Variants in CACNA1G observed in about 807,000 individuals in gnomAD.
CACNA1G encodes the protein calcium voltage-gated channel subunit alpha1 G.
A neutral mutation model predicts 219.4 loss-of-function variants in CACNA1G; 67 were observed. The ratio of observed to expected loss-of-function variants is 0.31; its 90% CI spans 0.25 to 0.37. The LOEUF is 0.37. Ranked by LOEUF, CACNA1G falls within the 10% of genes least tolerant of loss-of-function variation. The pLI, the probability that CACNA1G is intolerant of heterozygous loss-of-function variation, is 1.00. For synonymous variants in CACNA1G, 1,296 were observed against 1,345.3 expected, an observed-to-expected ratio of 0.96 and a Z score of 0.80; for missense variants, 2,380 against 3,231.4, an observed-to-expected ratio of 0.74 and a Z score of 6.39.
chr17:50,581,889 C>G (rs77585231), intron 9 of CACNA1G, among the ~76,000 whole-genome samples: 10,142 of 152,332 alleles, frequency 0.067, 456 homozygotes, highest in Non-Finnish European at 0.099. Context: ...CAGTGATTTG[C>G]TGGTAAATGA....
intron 9 of CACNA1G, among the ~76,000 whole-genome samples, chr17:50,589,707 G>A (rs2043783272): frequency 6.6e-6 from 1 of 152,162 alleles, no homozygotes; most frequent in East Asian, 1.9e-4. Context: ...TTCACATTTG[G>A]CCAGAGAGGT....
chr17:50,592,099 C>T lies in CACNA1G; in HGVS notation c.2910+7C>T. On this transcript the variant is annotated splice_region_variant and intron_variant, in intron 13 of 37. Transcript: ENST00000359106. ...GGAGGGCTTCCAGGCGGAGGTAACCCACTGCTCTGCCCACCTCACCCTGCC... is the reference window on the plus strand; with the variant it reads ...GGAGGGCTTCCAGGCGGAGGTAACCTACTGCTCTGCCCACCTCACCCTGCC... The T allele has an allele frequency of 6.2e-7, 1 of 1,608,290 alleles. No homozygotes were observed. Among genetic ancestry groups the T allele is most frequent in the Non-Finnish European group, 8.5e-7 (1 of 1,176,942 alleles).
rs778221667 is a variant in CACNA1G, at chr17:50,626,198, C to T, written c.6581C>T (p.Pro2194Leu). Residue 2194 changes from proline to leucine, a missense_variant, in exon 38 of 38, where the codon CCA (proline) becomes CTA (leucine). This residue lies in a region of CACNA1G where 672 missense variants were observed against 670.5 expected (regional missense o/e 1.00). Transcript: ENST00000359106. This position sits in a 1 kb window ranked among gnomAD's most constrained non-coding sequence, Gnocchi z 4.3. Reference protein sequence around the residue: ...HSKISKHMTPPAPCPGPEPNW... With the variant: ...HSKISKHMTPLAPCPGPEPNW... ...AAGATCTCCAAGCACATGACCCCGC[C>T]AGCCCCTTGCCCAGGCCCAGAACCC... 9.9e-6 allele frequency: 16 copies of T among 1,613,814 alleles called. No individual in the cohort carries two copies. The South Asian group carries it at 1.6e-4, about 17-fold the overall frequency.
At chr17:50,606,309 GA>G (rs2047954709) in intron 23 of CACNA1G, 1 of 676,360 alleles carries the variant, frequency 1.5e-6, no homozygotes, top group South Asian at 1.6e-5. Flanking sequence ...GGTGGAGCAG[GA>G]AGCACACGTG....
rs1030756666 is a variant in CACNA1G at position 50,583,586 on chromosome 17, A to G, written c.2301+5022A>G. 4.0e-5 allele frequency among the ~76,000 whole-genome samples: 6 copies of G among 149,974 alleles called. No homozygotes were observed. The Admixed American group carries it at 4.0e-4, about 10-fold the overall frequency. On this transcript the variant is annotated intron_variant, in intron 9 of 37. Coordinates refer to ENST00000359106, the MANE Select transcript of CACNA1G (RefSeq NM_018896.5). ...CTGCTCATCCCCAGCTCTCCTTCGGAAGGGCTTCACGAAGGTGGTGGCTTT... is the reference window on the plus strand; with the variant it reads ...CTGCTCATCCCCAGCTCTCCTTCGGGAGGGCTTCACGAAGGTGGTGGCTTT...
intron 1 of CACNA1G, among the ~76,000 whole-genome samples, chr17:50,565,149 A>G (rs1478494218): frequency 2.6e-5 from 4 of 152,228 alleles, no homozygotes; most frequent in East Asian, 1.9e-4. Context: ...ACACGCGCAC[A>G]CACACACACA....
Position 50,617,641 on chromosome 17 carries a change from T to C in CACNA1G, c.5155+70T>C. 1.3e-6 allele frequency: 2 copies of C among 1,569,748 alleles called. No individual in the cohort carries two copies. The highest frequency in any genetic ancestry group is 2.3e-5 in the South Asian group (2 of 86,218). Reference sequence around the variant, plus strand: ...CAGGGAGAGAGAGCAAGGGTCGGCTTTGTGGCTGGTCAAGGCCTGGGCGGC... The same window carrying C: ...CAGGGAGAGAGAGCAAGGGTCGGCTCTGTGGCTGGTCAAGGCCTGGGCGGC... On this transcript the variant is annotated intron_variant, in intron 29 of 37. Transcript: ENST00000359106. This position sits in a 1 kb window ranked among gnomAD's most constrained non-coding sequence, Gnocchi z 5.8.
intron 8 of CACNA1G, among the ~76,000 whole-genome samples, 164 bp downstream of exon 8, chr17:50,576,490 G>A (rs1042443994): frequency 1.4e-4 from 22 of 152,218 alleles, no homozygotes; most frequent in African/African-American, 3.1e-4. Context: ...CTATGAGCTC[G>A]AATTTTCTCA....
rs769265010 is a variant in CACNA1G, at chr17:50,578,179, C to T, written c.1925-9C>T. 5 of 1,556,488 alleles carry T rather than the reference C, an allele frequency of 3.2e-6. No individual in the cohort carries two copies. The highest frequency in any genetic ancestry group is 4.3e-6 in the Non-Finnish European group (5 of 1,151,046). ...TCTGGAGCCTCTCACCTCTACTCTCCTGTTCCAGGTGCCTGCCAAAGCTCT... is the reference window on the plus strand; with the variant it reads ...TCTGGAGCCTCTCACCTCTACTCTCTTGTTCCAGGTGCCTGCCAAAGCTCT... On this transcript the variant is annotated splice_polypyrimidine_tract_variant and intron_variant, in intron 8 of 37. Coordinates refer to ENST00000359106, the MANE Select transcript of CACNA1G (RefSeq NM_018896.5). The surrounding 1 kb of genome is among the most constrained non-coding windows in gnomAD (Gnocchi z 4.5).
chr17:50,597,234 G>A (rs2045755397), intron 16 of CACNA1G, among the ~76,000 whole-genome samples: 1 of 152,150 alleles, frequency 6.6e-6, no homozygotes, highest in Non-Finnish European at 1.5e-5. Context: ...ACCTCCTCAA[G>A]ACTGAATAAT....
In CACNA1G at chr17:50,571,054, A is replaced by G. The variant is rs1461561945; in HGVS notation, c.587-824A>G. Reference sequence around the variant, plus strand: ...AGACCATTTGGGCCGGTTGGGTTCTAGACCTGGAGTACGGAGAGAGGGAAG... The same window carrying G: ...AGACCATTTGGGCCGGTTGGGTTCTGGACCTGGAGTACGGAGAGAGGGAAG... On this transcript the variant is annotated intron_variant, in intron 4 of 37. Coordinates refer to ENST00000359106, the MANE Select transcript of CACNA1G (RefSeq NM_018896.5). This position sits in a 1 kb window ranked among gnomAD's most constrained non-coding sequence, Gnocchi z 4.3. Among the ~76,000 whole-genome samples the G allele has an allele frequency of 6.6e-6, 1 of 152,202 alleles. No homozygotes were observed. The highest frequency in any genetic ancestry group is 1.5e-5 in the Non-Finnish European group (1 of 68,032).
At chr17:50,595,466 T>C (rs2045339253) in intron 14 of CACNA1G, among the ~76,000 whole-genome samples, 1 of 152,126 alleles carries the variant, frequency 6.6e-6, no homozygotes, top group African/African-American at 2.4e-5. Context: ...TACTCCCCCA[T>C]CTCCCACCCC....
Position 50,596,879 on chromosome 17 carries a change from A to C in CACNA1G, c.3214A>C (p.Ser1072Arg). The C allele has an allele frequency of 3.8e-6, 6 of 1,589,172 alleles. No homozygotes were observed. Among genetic ancestry groups the C allele is most frequent in the Non-Finnish European group, 5.1e-6 (6 of 1,167,904 alleles). The change falls in exon 16 of 38, where the codon AGC becomes CGC. Residue 1072 changes from serine (S) to arginine (R), a missense_variant. Around this residue, in one of 17 missense-constraint regions of CACNA1G, gnomAD observed 418 missense variants for 434.3 expected, o/e 0.96. Transcript: ENST00000359106. The surrounding 1 kb of genome is among the most constrained non-coding windows in gnomAD (Gnocchi z 4.8). The part of the protein sequence containing the change: ...LGPASRRTSS[S>R]GSAEPGAAHE... ...CCCTGCGTCGCGCCGCACCAGCAGC[A>C]GCGGGTCGGCAGAGCCTGGGGCGGC...
At chr17:50,586,617 A>G (rs1206213772) in intron 9 of CACNA1G, among the ~76,000 whole-genome samples, 1 of 151,390 alleles carries the variant, frequency 6.6e-6, no homozygotes, top group Non-Finnish European at 1.5e-5. Context: ...ACAGCCTTTC[A>G]CTCCTTTGTT....
chr17:50,618,103 G>T lies in CACNA1G; in HGVS notation c.5282G>T (p.Gly1761Val). 6.2e-7 allele frequency: 1 copy of T among 1,613,948 alleles called. No homozygotes were observed. The highest frequency in any genetic ancestry group is 8.5e-7 in the Non-Finnish European group (1 of 1,179,862). Residue 1761 changes from glycine to valine, a missense_variant, in exon 31 of 38, where the codon GGC becomes GTC. Gly to Val is a moderately radical substitution (Grantham distance 109). This residue lies in a region of CACNA1G where 123 missense variants were observed against 258.4 expected (regional missense o/e 0.48). Transcript: ENST00000359106. This position sits in a 1 kb window ranked among gnomAD's most constrained non-coding sequence, Gnocchi z 5.3. ...TTGTTTTTCATCTTTGCAGCTCTGGGCGTGGAGCTCTTTGGAGACCTGGGT... is the reference window on the plus strand; with the variant it reads ...TTGTTTTTCATCTTTGCAGCTCTGGTCGTGGAGCTCTTTGGAGACCTGGGT... ...MLLFFIFAAL[G>V]VELFGDLECD...
At chr17:50,576,459 CT>C in intron 8 of CACNA1G, 133 bp downstream of exon 8, 1 of 849,374 alleles carries the variant, frequency 1.2e-6, no homozygotes, top group Non-Finnish European at 1.9e-6. Context: ...GCTTAGGCAC[CT>C]TCAACCAGTC....
In CACNA1G at chr17:50,599,462, G is replaced by A. The variant is rs1350363920; in HGVS notation, c.3293G>A (p.Ser1098Asn). Reference sequence around the variant, plus strand: ...CGCAGCTCTCCGCACAGCCCCTGGAGCGCTGCAAGCAGCTGGACCAGCAGG... The same window carrying A: ...CGCAGCTCTCCGCACAGCCCCTGGAACGCTGCAAGCAGCTGGACCAGCAGG... ...SARSSPHSPW[S>N]AASSWTSRRS... Residue 1098 changes from serine (S) to asparagine (N), a missense_variant, in exon 17 of 38, where the codon AGC becomes AAC. Coordinates refer to ENST00000359106, the MANE Select transcript of CACNA1G (RefSeq NM_018896.5). 17 of 1,572,720 alleles carry A rather than the reference G, an allele frequency of 1.1e-5. No individual in the cohort carries two copies. Among genetic ancestry groups the A allele is most frequent in the Non-Finnish European group, 1.5e-5 (17 of 1,160,654 alleles).
chr17:50,601,970 G>A (rs1461468637), intron 19 of CACNA1G, among the ~76,000 whole-genome samples: 1 of 152,170 alleles, frequency 6.6e-6, no homozygotes, highest in African/African-American at 2.4e-5. Flanking sequence ...GGTGGAGGGA[G>A]CCTGAGGAAT....
At chr17:50,562,936 G>A (rs1272096368) in intron 1 of CACNA1G, among the ~76,000 whole-genome samples, 1 of 151,968 alleles carries the variant, frequency 6.6e-6, no homozygotes, top group Admixed American at 6.5e-5. Context: ...GCCACCGGGG[G>A]AAGGAAAGGT....
Sources: allele counts gnomAD v4.1 joint callset (sites outside exome capture counted in the v4.1 genomes callset), GRCh38; gene constraint gnomAD v4.1.1; regional missense constraint gnomAD v4.1.1; non-coding constraint Gnocchi (gnomAD v3.1); transcripts MANE v1.5; gene names NCBI Gene and HGNC (gene_info 2026-07-23, HGNC 2026-07-21).